Variants in HMGN5 observed in about 807,000 individuals in gnomAD.
HMGN5 encodes the protein high mobility group nucleosome binding domain 5.
In HMGN5, 4 loss-of-function variants were observed where a neutral mutation model predicts 9.5. The ratio of observed to expected loss-of-function variants is 0.42; its 90% CI spans 0.21 to 0.96. The LOEUF (loss-of-function observed/expected upper bound fraction) is 0.96. Ranked by LOEUF, HMGN5 falls within the 40% of genes least tolerant of loss-of-function variation. The pLI is 0.30. For synonymous variants in HMGN5, 55 were observed against 57.1 expected (o/e 0.96, Z 0.16); for missense variants, 192 against 187.5 (o/e 1.02, Z -0.14).
At chrX:81,170,416 T>C (rs1323819272) in intron 1 of HMGN5, among the ~76,000 whole-genome samples, 2 of 112,047 alleles carry the variant, frequency 1.8e-5, no homozygotes, top group Non-Finnish European at 1.9e-5. Context: ...TCCATTATCA[T>C]GTAGCCTGTG....
intron 1 of HMGN5, among the ~76,000 whole-genome samples, chrX:81,147,956 C>T (rs1447229976): frequency 9.0e-6 from 1 of 111,561 alleles, no homozygotes; most frequent in Non-Finnish European, 1.9e-5. Flanking sequence ...AAGAGAACTA[C>T]AAACCACTGC....
chrX:81,126,391 A>T (rs1027490206), intron 1 of HMGN5, among the ~76,000 whole-genome samples: 1 of 111,295 alleles, frequency 9.0e-6, no homozygotes, highest in Non-Finnish European at 1.9e-5. Flanking sequence ...CTCATCTATG[A>T]TCTTAAACTT....
intron 1 of HMGN5, among the ~76,000 whole-genome samples, chrX:81,153,364 C>T (rs2075370606): frequency 9.7e-6 from 1 of 102,776 alleles, no homozygotes; most frequent in Non-Finnish European, 2.0e-5. Context: ...ACCAGCCTGG[C>T]CAACATGATG....
At chrX:81,121,396 C>T (rs2075267998) in intron 2 of HMGN5, 139 bp downstream of exon 2, 4 of 589,331 alleles carry the variant, frequency 6.8e-6, no homozygotes, top group South Asian at 5.0e-5. Flanking sequence ...TGCCCTTCTA[C>T]CCCTTTCCGT....
intron 1 of HMGN5, among the ~76,000 whole-genome samples, chrX:81,141,100 G>A (rs2075327981): frequency 9.0e-6 from 1 of 111,668 alleles, no homozygotes; most frequent in Non-Finnish European, 1.9e-5. Flanking sequence ...GGGAAGAGTG[G>A]GAAGGACTGC....
At chrX:81,125,723 T>C (rs761622275) in intron 1 of HMGN5, among the ~76,000 whole-genome samples, 3 of 112,162 alleles carry the variant, frequency 2.7e-5, no homozygotes, top group Admixed American at 1.9e-4. Context: ...AAGAATGCTA[T>C]TTTTAGGCTT....
Position 81,122,486 on chromosome X carries a change from G to T in HMGN5, c.-123-814C>A, listed in dbSNP as rs180990450. On this transcript the variant is annotated intron_variant, in intron 1 of 6. Coordinates refer to ENST00000358130, the MANE Select transcript of HMGN5 (RefSeq NM_030763.3). The stretch of plus-strand genomic sequence containing the variant: ...CTAGCATAAAGCCATTGAGGTACTC[G>T]CCTCAGGCACAAAATTTAAGCTTGT... Among the ~76,000 whole-genome samples the T allele has an allele frequency of 3.4e-3, 377 of 111,884 alleles. 2 individuals carry two copies. Among genetic ancestry groups the T allele is most frequent in the African/African-American group, 0.012 (360 of 30,815 alleles).
At chrX:81,163,892 T>C (rs1212832941) in intron 1 of HMGN5, among the ~76,000 whole-genome samples, 2 of 111,588 alleles carry the variant, frequency 1.8e-5, no homozygotes, top group African/African-American at 3.3e-5. Context: ...AGACAGGTTA[T>C]TTATTGTATA....
chrX:81,183,879 T>A (rs769352346), intron 1 of HMGN5, among the ~76,000 whole-genome samples: 34 of 112,576 alleles, frequency 3.0e-4, no homozygotes, highest in Non-Finnish European at 6.0e-4. Context: ...AATGCCTATA[T>A]TGCTGTTGTA....
At chrX:81,171,350 T>A (rs185822190) in intron 1 of HMGN5, among the ~76,000 whole-genome samples, 1 of 111,631 alleles carries the variant, frequency 9.0e-6, no homozygotes, top group Non-Finnish European at 1.9e-5. Context: ...ATATAAACTT[T>A]TGATTTTTAT....
At chrX:81,122,508 T>G (rs1057035010) in intron 1 of HMGN5, among the ~76,000 whole-genome samples, 2 of 111,851 alleles carry the variant, frequency 1.8e-5, no homozygotes, top group Admixed American at 1.9e-4. Context: ...AAATTTAAGC[T>G]TGTGACAAAA....
At chrX:81,151,612 G>C (rs1394560495) in intron 1 of HMGN5, among the ~76,000 whole-genome samples, 73 of 111,218 alleles carry the variant, frequency 6.6e-4, no homozygotes, top group African/African-American at 2.2e-3. Flanking sequence ...TTTGTATCCT[G>C]TTTTATTTCA....
rs1331988380 is a variant in HMGN5 at position 81,182,488 on chromosome X, C to G, written c.-124+19249G>C. ...GATTTCTCATGGTTTAACTCCGTCC[C>G]CATTGGAGCTGTTGTTGTGATAATG... On this transcript the variant is annotated intron_variant, in intron 1 of 6. Coordinates refer to ENST00000358130, the MANE Select transcript of HMGN5 (RefSeq NM_030763.3). Among the ~76,000 whole-genome samples, 5 of 111,583 alleles carry G rather than the reference C, an allele frequency of 4.5e-5. No homozygotes were observed. The East Asian group carries it at 8.5e-4, about 19-fold the overall frequency.
At chrX:81,174,462 T>C (rs1161311097) in intron 1 of HMGN5, among the ~76,000 whole-genome samples, 1 of 111,511 alleles carries the variant, frequency 9.0e-6, no homozygotes, top group Non-Finnish European at 1.9e-5. Flanking sequence ...ATTCATTCAG[T>C]AAATATTTTT....
intron 1 of HMGN5, among the ~76,000 whole-genome samples, chrX:81,149,565 A>G (rs1299979745): frequency 8.9e-6 from 1 of 111,863 alleles, no homozygotes; most frequent in Non-Finnish European, 1.9e-5. Flanking sequence ...GCACATGTAT[A>G]CCTATGTAAC....
intron 1 of HMGN5, among the ~76,000 whole-genome samples, chrX:81,160,145 A>G (rs910047331): frequency 1.3e-4 from 14 of 111,494 alleles, no homozygotes; most frequent in Non-Finnish European, 2.6e-4. Flanking sequence ...TCAATCCCAT[A>G]TCAACCTTGA....
chrX:81,143,763 C>T (rs2075335661), intron 1 of HMGN5, among the ~76,000 whole-genome samples: 1 of 112,451 alleles, frequency 8.9e-6, no homozygotes, highest in Non-Finnish European at 1.9e-5. Context: ...GCTTGAAATT[C>T]TCACTGTTAG....
intron 1 of HMGN5, among the ~76,000 whole-genome samples, chrX:81,166,640 G>T (rs2075412022): frequency 9.0e-6 from 1 of 111,603 alleles, no homozygotes; most frequent in Non-Finnish European, 1.9e-5. Flanking sequence ...ACTACCTTGA[G>T]GTATAGGTAG....
chrX:81,151,443 T>A (rs2075362101), intron 1 of HMGN5, among the ~76,000 whole-genome samples: 1 of 110,957 alleles, frequency 9.0e-6, no homozygotes, highest in Non-Finnish European at 1.9e-5. Flanking sequence ...TCTTTTTTGG[T>A]TCCATATGAA....
Sources: allele counts gnomAD v4.1 joint callset (sites outside exome capture counted in the v4.1 genomes callset), GRCh38; gene constraint gnomAD v4.1.1; transcripts MANE v1.5; gene names NCBI Gene and HGNC (gene_info 2026-07-23, HGNC 2026-07-21).